Variants in GPC6 observed in about 807,000 individuals in gnomAD.
The protein encoded by GPC6 is glypican-6.
In GPC6, 14 loss-of-function variants were observed where a neutral mutation model predicts 55.2. The ratio of observed to expected loss-of-function variants is 0.25; its 90% CI spans 0.17 to 0.40. The LOEUF is 0.40. Among genes scored for constraint, GPC6 ranks in the 10% least tolerant of loss-of-function variants. The pLI is 1.00. For missense variants in GPC6, 641 were observed against 708.5 expected, an observed-to-expected ratio of 0.90 and a Z score of 1.08; for synonymous variants, 278 against 259.6, an observed-to-expected ratio of 1.07 and a Z score of -0.68.
chr13:94,143,734 C>T (rs1473445935), intron 4 of GPC6, among the ~76,000 whole-genome samples: 2 of 151,908 alleles, frequency 1.3e-5, no homozygotes, highest in Admixed American at 6.6e-5. Context: ...CAAAAAAATA[C>T]AAAAATTAGC....
At chr13:93,539,635 A>T (rs960013963) in intron 1 of GPC6, among the ~76,000 whole-genome samples, 1 of 152,118 alleles carries the variant, frequency 6.6e-6, no homozygotes, top group Non-Finnish European at 1.5e-5. Context: ...TAGCACAAGG[A>T]TAAATCTGTG....
At chr13:93,358,799 G>A (rs1328282134) in intron 1 of GPC6, among the ~76,000 whole-genome samples, 2 of 151,994 alleles carry the variant, frequency 1.3e-5, no homozygotes, top group South Asian at 2.1e-4. Flanking sequence ...GCTCCAGCAC[G>A]AGTGAAAATG....
At chr13:93,887,791 A>G (rs953608828) in intron 3 of GPC6, among the ~76,000 whole-genome samples, 1 of 152,174 alleles carries the variant, frequency 6.6e-6, no homozygotes, top group Non-Finnish European at 1.5e-5. Context: ...TGGATTTCTC[A>G]TTGTGTAGAA....
At chr13:93,842,332 G>T (rs1251303802) in intron 3 of GPC6, among the ~76,000 whole-genome samples, 1 of 152,078 alleles carries the variant, frequency 6.6e-6, no homozygotes, top group East Asian at 1.9e-4. Flanking sequence ...TGCATCGGTA[G>T]AGAGAAGATA....
intron 3 of GPC6, among the ~76,000 whole-genome samples, chr13:93,981,611 C>T (rs1380497803): frequency 6.6e-6 from 1 of 152,156 alleles, no homozygotes; most frequent in Non-Finnish European, 1.5e-5. Flanking sequence ...CTGCTCATTA[C>T]TATATCCTGG....
intron 4 of GPC6, among the ~76,000 whole-genome samples, chr13:94,114,177 A>G (rs1307360203): frequency 6.6e-6 from 1 of 150,992 alleles, no homozygotes; most frequent in Non-Finnish European, 1.5e-5. Context: ...AATTCTAAGA[A>G]AGGTAAAGTG....
At chr13:93,721,178 C>T (rs1244251379) in intron 2 of GPC6, among the ~76,000 whole-genome samples, 2 of 151,864 alleles carry the variant, frequency 1.3e-5, no homozygotes, top group African/African-American at 4.8e-5. Flanking sequence ...AAGTATCCCA[C>T]TATTATTGTG....
chr13:93,790,035 G>A (rs1054996952), intron 2 of GPC6, among the ~76,000 whole-genome samples: 2 of 152,058 alleles, frequency 1.3e-5, no homozygotes, highest in Admixed American at 1.3e-4. Context: ...TGAAAATGTG[G>A]CAACATGTAT....
At chr13:93,589,304 G>T (rs1877355432) in intron 2 of GPC6, among the ~76,000 whole-genome samples, 1 of 151,868 alleles carries the variant, frequency 6.6e-6, no homozygotes, top group African/African-American at 2.4e-5. Flanking sequence ...CAAAAACATT[G>T]AAAGAATTTT....
intron 4 of GPC6, among the ~76,000 whole-genome samples, chr13:94,111,770 A>C (rs1376252688): frequency 6.6e-6 from 1 of 152,118 alleles, no homozygotes; most frequent in Non-Finnish European, 1.5e-5. Context: ...TAGTACTCCC[A>C]GAAGCTGGCC....
chr13:93,517,259 T>C (rs1881240461), intron 1 of GPC6, among the ~76,000 whole-genome samples: 2 of 152,090 alleles, frequency 1.3e-5, no homozygotes, highest in Non-Finnish European at 2.9e-5. Context: ...AGAACAAATG[T>C]AAGATAATAT....
intron 1 of GPC6, among the ~76,000 whole-genome samples, chr13:93,293,873 G>A (rs556864260): frequency 6.6e-6 from 1 of 151,202 alleles, no homozygotes; most frequent in East Asian, 1.9e-4. Flanking sequence ...GAGCACAGGG[G>A]AGACAAAAAA....
At chr13:93,831,792 G>C (rs947927450) in intron 3 of GPC6, among the ~76,000 whole-genome samples, 2 of 151,646 alleles carry the variant, frequency 1.3e-5, no homozygotes, top group Non-Finnish European at 2.9e-5. Context: ...TGATTCTAAT[G>C]TTTAAAATAA....
At chr13:93,614,971 G>A (rs944441790) in intron 2 of GPC6, among the ~76,000 whole-genome samples, 1 of 151,782 alleles carries the variant, frequency 6.6e-6, no homozygotes, top group Non-Finnish European at 1.5e-5. Context: ...ACAATTTAAT[G>A]TATTAGCCAT....
chr13:93,596,756 GTATA>G (rs1877761621), intron 2 of GPC6, among the ~76,000 whole-genome samples: 1 of 147,582 alleles, frequency 6.8e-6, no homozygotes, highest in Admixed American at 6.8e-5. Context: ...GTGTATATAT[GTATA>G]TGTGTATATA....
intron 1 of GPC6, among the ~76,000 whole-genome samples, chr13:93,231,391 A>ATATGTG (rs1256773292): frequency 4.7e-5 from 1 of 21,484 alleles, no homozygotes; most frequent in Non-Finnish European, 8.8e-5. Context: ...ATATATATAT[A>ATATGTG]TATATGTATA....
intron 3 of GPC6, among the ~76,000 whole-genome samples, chr13:93,876,075 C>T (rs1259282947): frequency 6.6e-6 from 1 of 152,006 alleles, no homozygotes; most frequent in Non-Finnish European, 1.5e-5. Flanking sequence ...CCTTAGAAAT[C>T]AAACAAATAG....
chr13:93,537,591 AAAG>A (rs1336097559), intron 1 of GPC6, among the ~76,000 whole-genome samples: 51 of 152,258 alleles, frequency 3.3e-4, no homozygotes, highest in African/African-American at 1.2e-3. Context: ...TTATAATAGT[AAAG>A]AAAAACTTTT....
chr13:93,909,460 G>A (rs1820336292), intron 3 of GPC6, among the ~76,000 whole-genome samples: 2 of 151,850 alleles, frequency 1.3e-5, no homozygotes, highest in Non-Finnish European at 2.9e-5. Flanking sequence ...ATACACAAAT[G>A]GTAACTATCA....
Sources: allele counts gnomAD v4.1 joint callset (sites outside exome capture counted in the v4.1 genomes callset), GRCh38; gene constraint gnomAD v4.1.1; transcripts MANE v1.5; gene names NCBI Gene and HGNC (gene_info 2026-07-23, HGNC 2026-07-21).